The following NCKAP1 variants were observed in gnomAD, a reference collection of about 807,000 sequenced individuals.
NCKAP1 encodes NCK associated protein 1, also known as nck-associated protein 1.
A neutral mutation model predicts 151.2 loss-of-function variants in NCKAP1; 21 were observed. That is an observed-to-expected ratio of 0.14 (90% CI 0.10 to 0.20). The LOEUF is 0.20. NCKAP1 is among the 10% of genes least tolerant of loss of function. NCKAP1 has a pLI of 1.00. For missense variants in NCKAP1, 933 were observed against 1,352.1 expected, an observed-to-expected ratio of 0.69 and a Z score of 4.86; for synonymous variants, 484 against 451.8, an observed-to-expected ratio of 1.07 and a Z score of -0.90.
chr2:183,003,214 T>C lies in NCKAP1; in HGVS notation c.312+19A>G, dbSNP rs745655595. 2.2e-5 allele frequency: 30 copies of C among 1,377,220 alleles called. No homozygotes were observed. The East Asian group carries it at 6.3e-4, about 29-fold the overall frequency. 85.3% of individuals were successfully genotyped at this position (1,377,220 alleles called of 1,614,324 possible). A position where few individuals can be genotyped will look rare whatever the true frequency, so the allele number is the denominator to read the frequency against. On this transcript the variant is annotated intron_variant, in intron 3 of 30. Coordinates refer to ENST00000361354, the MANE Select transcript of NCKAP1 (RefSeq NM_013436.5). ...AATCTACTTCTGAAGTGTTAAATAT[T>C]ATATATTAAAATACATACCTTAAAT...
chr2:182,962,830 A>G (rs931656891), intron 17 of NCKAP1, among the ~76,000 whole-genome samples: 5 of 151,912 alleles, frequency 3.3e-5, no homozygotes, highest in Non-Finnish European at 5.9e-5. Flanking sequence ...GAAGAAAAAA[A>G]AAAAAAACGC....
intron 2 of NCKAP1, among the ~76,000 whole-genome samples, chr2:183,019,658 T>C (rs1212901278): frequency 6.6e-6 from 1 of 152,238 alleles, no homozygotes; most frequent in Non-Finnish European, 1.5e-5. Context: ...TGAAATTAAA[T>C]GAGGAACTCT....
chr2:183,028,929 C>T (rs574064973), intron 1 of NCKAP1, among the ~76,000 whole-genome samples: 21 of 144,784 alleles, frequency 1.5e-4, no homozygotes, highest in Middle Eastern at 3.5e-3. Flanking sequence ...CTAGCCAACA[C>T]GGTGAAACCC....
At chr2:182,984,808 T>C (rs1698017274) in intron 10 of NCKAP1, among the ~76,000 whole-genome samples, 1 of 152,326 alleles carries the variant, frequency 6.6e-6, no homozygotes, top group East Asian at 1.9e-4. Flanking sequence ...GTGATGGTTA[T>C]TGGGAGAAAA....
At chr2:182,987,888 G>C (rs116660190) in intron 9 of NCKAP1, among the ~76,000 whole-genome samples, 2 of 152,058 alleles carry the variant, frequency 1.3e-5, no homozygotes, top group African/African-American at 4.8e-5. Flanking sequence ...GAGTGGGGGG[G>C]GAGTGGGGAC....
chr2:182,975,969 T>C (rs1007971476), intron 15 of NCKAP1, among the ~76,000 whole-genome samples: 1 of 152,064 alleles, frequency 6.6e-6, no homozygotes, highest in East Asian at 1.9e-4. Context: ...AAACAGTACA[T>C]AGTACTATCT....
intron 4 of NCKAP1, among the ~76,000 whole-genome samples, chr2:183,002,712 A>C (rs1049134919): frequency 1.3e-5 from 2 of 152,064 alleles, no homozygotes; most frequent in African/African-American, 2.4e-5. Context: ...TTATCCACTT[A>C]ACTTTTCAAA....
rs1252150447 is a variant in NCKAP1 at position 182,953,220 on chromosome 2, G to A, written c.2265C>T (p.Asn755=). ...CTCTTGTAATATCAATCTGCACATA[G>A]TTTTCTATTGACTGGAGTACGGTCA... The part of the protein sequence containing the change: ...AYMTVLQSIE[N]YVQIDITRVF... The change falls in exon 21 of 31, where the codon AAC becomes AAT. Residue 755 remains asparagine (N), a synonymous_variant. Transcript: ENST00000361354. The A allele has an allele frequency of 1.2e-6, 2 of 1,612,514 alleles. No homozygotes were observed. Among genetic ancestry groups the A allele is most frequent in the South Asian group, 1.1e-5 (1 of 91,046 alleles).
chr2:182,915,386 T>C lies in NCKAP1; in HGVS notation c.*10316A>G, dbSNP rs1468865356. 6.6e-6 allele frequency: 1 copy of C among 152,208 alleles called. No homozygotes were observed. The highest frequency in any genetic ancestry group is 1.5e-5 in the Non-Finnish European group (1 of 68,048). The allele number at this position is 152,208 out of a possible 1,614,324, so 9.4% of individuals were successfully genotyped here. On this transcript the variant is annotated 3_prime_UTR_variant, in exon 31 of 31. Transcript: ENST00000361354. ...AACTACAGGCATGATATTCCTTCACTTGCCAGCAACCCTTGGACCTCTGCA... is the reference window on the plus strand; with the variant it reads ...AACTACAGGCATGATATTCCTTCACCTGCCAGCAACCCTTGGACCTCTGCA...
intron 2 of NCKAP1, 46 bp downstream of exon 2, chr2:183,023,760 T>G: frequency 6.8e-7 from 1 of 1,473,036 alleles, no homozygotes; most frequent in South Asian, 1.1e-5. Flanking sequence ...ACTGTTTCTC[T>G]AAAAGATGCT....
intron 15 of NCKAP1, among the ~76,000 whole-genome samples, chr2:182,970,887 C>T (rs1421537148): frequency 6.6e-6 from 1 of 151,966 alleles, no homozygotes; most frequent in Non-Finnish European, 1.5e-5. Flanking sequence ...TAAAACTGAT[C>T]AACCAATTCA....
rs1697008306 is a variant in NCKAP1, at chr2:182,942,122, C to T, written c.2643G>A (p.Arg881=). The part of the protein sequence containing the change: ...VENVDVLTQM[R]TSFDKPDQMA... ...TCTGGTCTGGTTTGTCAAAGCTGGT[C>T]CTCATTTGTGTTAACACATCAACAT... The change falls in exon 24 of 31, where the codon AGG becomes AGA. Residue 881 remains arginine (R), a synonymous_variant. Coordinates refer to ENST00000361354, the MANE Select transcript of NCKAP1 (RefSeq NM_013436.5). The T allele has an allele frequency of 1.2e-6, 2 of 1,613,222 alleles. No individual in the cohort carries two copies. The highest frequency in any genetic ancestry group is 4.5e-5 in the East Asian group (2 of 44,818).
In NCKAP1 at chr2:182,910,292, G is replaced by C. The variant is rs1696367147; in HGVS notation, c.*15410C>G. 1 of 152,226 alleles carries C rather than the reference G, an allele frequency of 6.6e-6. No homozygotes were observed. The highest frequency in any genetic ancestry group is 6.5e-5 in the Admixed American group (1 of 15,280). The allele number at this position is 152,226 out of a possible 1,614,324, so 9.4% of individuals were successfully genotyped here. A position where few individuals can be genotyped will look rare whatever the true frequency, so the allele number is the denominator to read the frequency against. ...CTACAGTTTTTGATTGAGTAGGAAA[G>C]CCAGCATGATTTGTGTTTCTGCATC... On this transcript the variant is annotated 3_prime_UTR_variant, in exon 31 of 31. Transcript: ENST00000361354.
chr2:182,946,578 CT>C (rs750745307), intron 23 of NCKAP1, among the ~76,000 whole-genome samples: 28 of 151,524 alleles, frequency 1.8e-4, no homozygotes, highest in Non-Finnish European at 3.5e-4. Context: ...ACATGCACCC[CT>C]GAACGTAAAA....
chr2:182,989,373 T>C (rs1698122087), intron 8 of NCKAP1, among the ~76,000 whole-genome samples, 187 bp from the exon 9 acceptor site: 1 of 152,214 alleles, frequency 6.6e-6, no homozygotes, highest in African/African-American at 2.4e-5. Flanking sequence ...ATTTTCTGTA[T>C]TCTGCAAAAC....
chr2:183,001,799 G>C (rs1322998070), intron 6 of NCKAP1, among the ~76,000 whole-genome samples, 154 bp downstream of exon 6: 2 of 151,980 alleles, frequency 1.3e-5, no homozygotes, highest in Non-Finnish European at 1.5e-5. Flanking sequence ...TCATTAATTA[G>C]TTCCCTGTCT....
In NCKAP1 at chr2:182,953,142, C is replaced by T. The variant is rs745458780; in HGVS notation, c.2343G>A (p.Glu781=). Residue 781 remains glutamate, a synonymous_variant, in exon 21 of 31, where the codon GAG becomes GAA. Transcript: ENST00000361354. ...TTGTGTATAGACTTGTAATGGTTGGCTCTCCATGACTGTCTAAATGTTGTG... is the reference window on the plus strand; with the variant it reads ...TTGTGTATAGACTTGTAATGGTTGGTTCTCCATGACTGTCTAAATGTTGTG... ...QQTQHLDSHG[E]PTITSLYTNW... 8.7e-6 allele frequency: 14 copies of T among 1,612,312 alleles called. No individual in the cohort carries two copies. The highest frequency in any genetic ancestry group is 8.0e-5 in the African/African-American group (6 of 74,858).
At chr2:182,967,630 T>C (rs1287060645) in intron 15 of NCKAP1, among the ~76,000 whole-genome samples, 1 of 152,120 alleles carries the variant, frequency 6.6e-6, no homozygotes, top group African/African-American at 2.4e-5. Context: ...GAAGTTAAAA[T>C]ATCAAAAGTG....
chr2:183,026,446 C>G (rs1698899020), intron 1 of NCKAP1, among the ~76,000 whole-genome samples: 1 of 150,874 alleles, frequency 6.6e-6, no homozygotes, highest in Non-Finnish European at 1.5e-5. Context: ...GTACCGCAGC[C>G]TGAGCCACAG....
Sources: gnomAD v4.1 joint callset for allele counts (sites outside exome capture counted in the v4.1 genomes callset) on GRCh38, gnomAD v4.1.1 for gene constraint, MANE v1.5 for transcripts, NCBI Gene and HGNC (gene_info 2026-07-23, HGNC 2026-07-21) for gene names.